The following VAT1L variants were observed in gnomAD, a reference collection of about 807,000 sequenced individuals.
The protein encoded by VAT1L is vesicle amine transport 1 like, also known as putative NADPH-dependent quinone oxidoreductase VAT1L.
Under a neutral mutation model 44.1 loss-of-function variants are expected in VAT1L, and 34 were observed. The observed-to-expected ratio is 0.77, with a 90% CI of 0.59 to 1.03. The LOEUF is 1.03. Ranked by LOEUF, VAT1L falls within the 50% of genes least tolerant of loss-of-function variation. The pLI is 0.00. For synonymous variants in VAT1L, 253 were observed against 202.2 expected (o/e 1.25, Z -2.13); for missense variants, 615 against 538.8 (o/e 1.14, Z -1.40).
chr16:77,793,952 TCAA>T (rs1255729816), intron 1 of VAT1L, among the ~76,000 whole-genome samples: 2 of 152,184 alleles, frequency 1.3e-5, no homozygotes, highest in Non-Finnish European at 2.9e-5. Context: ...TAATGACAAC[TCAA>T]CAAAATCAGT....
intron 7 of VAT1L, among the ~76,000 whole-genome samples, chr16:77,951,065 T>C (rs2018036853): frequency 6.6e-6 from 1 of 152,176 alleles, no homozygotes; most frequent in Admixed American, 6.5e-5. Context: ...AGAAAATATA[T>C]TAACCTGATC....
chr16:77,918,060 A>C (rs558915176), intron 7 of VAT1L, among the ~76,000 whole-genome samples: 2 of 152,316 alleles, frequency 1.3e-5, no homozygotes, highest in East Asian at 3.9e-4. Flanking sequence ...TATCAAAAAG[A>C]AACAGTTTGA....
intron 7 of VAT1L, among the ~76,000 whole-genome samples, chr16:77,919,803 C>G (rs959344969): frequency 3.3e-5 from 5 of 152,110 alleles, no homozygotes; most frequent in African/African-American, 1.2e-4. Flanking sequence ...AAAAACAAAC[C>G]TTGGCCGGGC....
intron 7 of VAT1L, among the ~76,000 whole-genome samples, chr16:77,940,021 G>A (rs1020719914): frequency 6.6e-6 from 1 of 152,136 alleles, no homozygotes; most frequent in African/African-American, 2.4e-5. Flanking sequence ...AGTGCATCAA[G>A]GTTTTCCACA....
In VAT1L at chr16:77,977,928, G is replaced by A; in HGVS notation, c.*233G>A. On this transcript the variant is annotated 3_prime_UTR_variant, in exon 9 of 9. Coordinates refer to ENST00000302536, the MANE Select transcript of VAT1L (RefSeq NM_020927.3). Reference sequence around the variant, plus strand: ...TGTATTACACATTCCCCTCTCCCCTGTATCAAAACCATCCATCTGTGGGTT... The same window carrying A: ...TGTATTACACATTCCCCTCTCCCCTATATCAAAACCATCCATCTGTGGGTT... The A allele has an allele frequency of 2.1e-6, 1 of 466,382 alleles. No individual in the cohort carries two copies. The highest frequency in any genetic ancestry group is 3.9e-6 in the Non-Finnish European group (1 of 254,656). 28.9% of individuals were successfully genotyped at this position (466,382 alleles called of 1,614,324 possible). A position where few individuals can be genotyped will look rare whatever the true frequency, so the allele number is the denominator to read the frequency against.
At chr16:77,880,368 C>A (rs757767233) in intron 6 of VAT1L, among the ~76,000 whole-genome samples, 1 of 152,012 alleles carries the variant, frequency 6.6e-6, no homozygotes, top group African/African-American at 2.4e-5. Flanking sequence ...CCCTGTTACC[C>A]AGGCTGGTTT....
At chr16:77,931,539 A>T (rs888706443) in intron 7 of VAT1L, among the ~76,000 whole-genome samples, 3 of 152,238 alleles carry the variant, frequency 2.0e-5, no homozygotes, top group African/African-American at 7.2e-5. Flanking sequence ...TGTAAAATTC[A>T]CCAGTTATAT....
Position 77,955,133 on chromosome 16 carries a change from G to T in VAT1L, c.1078-16717G>T, listed in dbSNP as rs148170365. Among the ~76,000 whole-genome samples, 348 of 152,256 alleles carry T rather than the reference G, an allele frequency of 2.3e-3. 2 individuals are homozygous for T. The highest frequency in any genetic ancestry group is 7.7e-3 in the African/African-American group (318 of 41,538). On this transcript the variant is annotated intron_variant, in intron 7 of 8. Transcript: ENST00000302536. ...TCCCCTGTGTGCAACATGTTATGTG[G>T]ATACTGAGATGGGGCAGGTGCATGC...
At chr16:77,817,075 A>G in intron 2 of VAT1L, 25 bp downstream of exon 2, 5 of 1,600,794 alleles carry the variant, frequency 3.1e-6, no homozygotes, top group Non-Finnish European at 4.3e-6. Flanking sequence ...TCAATTGAAG[A>G]GTAATATTCA....
chr16:77,811,627 G>A (rs1356535816), intron 1 of VAT1L, among the ~76,000 whole-genome samples: 2 of 152,142 alleles, frequency 1.3e-5, no homozygotes, highest in Non-Finnish European at 2.9e-5. Context: ...TGCACAAAAT[G>A]GAGATTAAAA....
At chr16:77,829,430 C>T (rs531597776) in intron 3 of VAT1L, among the ~76,000 whole-genome samples, 7 of 152,252 alleles carry the variant, frequency 4.6e-5, no homozygotes, top group South Asian at 4.2e-4. Context: ...TGAGGAATAC[C>T]AAACTTAGCT....
intron 7 of VAT1L, among the ~76,000 whole-genome samples, chr16:77,901,659 T>C (rs1227642050): frequency 2.0e-5 from 3 of 152,142 alleles, no homozygotes; most frequent in Admixed American, 6.5e-5. Flanking sequence ...CATCAGCACT[T>C]CCTTCTACAC....
In VAT1L at chr16:77,904,658, A is replaced by G. The variant is rs373643101; in HGVS notation, c.1077+19856A>G. 2.0e-4 allele frequency among the ~76,000 whole-genome samples: 31 copies of G among 152,320 alleles called. No individual in the cohort carries two copies. The South Asian group carries it at 5.4e-3, about 26-fold the overall frequency. On this transcript the variant is annotated intron_variant, in intron 7 of 8. Transcript: ENST00000302536. ...TTGGGGTTCAGGGCTTAAACGTGAAATTAGGGAGAACAATCGTTCAATCTA... is the reference window on the plus strand; with the variant it reads ...TTGGGGTTCAGGGCTTAAACGTGAAGTTAGGGAGAACAATCGTTCAATCTA...
At chr16:77,973,379 G>A (rs986480442) in intron 8 of VAT1L, among the ~76,000 whole-genome samples, 17 of 152,024 alleles carry the variant, frequency 1.1e-4, no homozygotes, top group Admixed American at 9.8e-4. Context: ...CCGCCTCCCG[G>A]GTTCAAGCGA....
At chr16:77,967,207 G>C (rs1041969321) in intron 7 of VAT1L, among the ~76,000 whole-genome samples, 5 of 152,176 alleles carry the variant, frequency 3.3e-5, no homozygotes, top group African/African-American at 1.2e-4. Flanking sequence ...ATCCCCCATG[G>C]TTCTCACCAC....
At chr16:77,908,598 G>C (rs17704486) in intron 7 of VAT1L, among the ~76,000 whole-genome samples, 16 of 151,386 alleles carry the variant, frequency 1.1e-4, no homozygotes, top group African/African-American at 3.4e-4. Flanking sequence ...TTGTAGGATC[G>C]CCATGACCTG....
intron 7 of VAT1L, among the ~76,000 whole-genome samples, chr16:77,887,907 G>T (rs75567610): frequency 6.6e-6 from 1 of 152,030 alleles, no homozygotes; most frequent in Admixed American, 6.6e-5. Context: ...TCCTCATTGA[G>T]GTCTGTAAGG....
At chr16:77,928,770 A>G (rs1228304480) in intron 7 of VAT1L, among the ~76,000 whole-genome samples, 1 of 152,058 alleles carries the variant, frequency 6.6e-6, no homozygotes, top group African/African-American at 2.4e-5. Context: ...TTTTTTTTAA[A>G]TGACTGTTGA....
At chr16:77,947,131 C>T (rs142102553) in intron 7 of VAT1L, among the ~76,000 whole-genome samples, 1 of 152,320 alleles carries the variant, frequency 6.6e-6, no homozygotes, top group African/African-American at 2.4e-5. Flanking sequence ...CCTTCCGTGC[C>T]TCTGCAAATG....
Sources: allele counts gnomAD v4.1 joint callset (sites outside exome capture counted in the v4.1 genomes callset), GRCh38; gene constraint gnomAD v4.1.1; transcripts MANE v1.5; gene names NCBI Gene and HGNC (gene_info 2026-07-23, HGNC 2026-07-21).